MAP2K1: variants seen among roughly 807,000 people sequenced by gnomAD.
The protein encoded by MAP2K1 is mitogen-activated protein kinase kinase 1.
In MAP2K1, 16 loss-of-function variants were observed where a neutral mutation model predicts 46.3. That is an observed-to-expected ratio of 0.35 (90% CI 0.23 to 0.52). MAP2K1 has a LOEUF of 0.52. Ranked by LOEUF, MAP2K1 falls within the 20% of genes least tolerant of loss-of-function variation. MAP2K1 has a pLI of 0.94. For missense variants in MAP2K1, 263 were observed against 497.1 expected (o/e 0.53, Z 4.48); for synonymous variants, 183 against 185.6 (o/e 0.99, Z 0.11).
intron 7 of MAP2K1, 81 bp downstream of exon 7, chr15:66,485,272 C>G (rs1353618022): frequency 8.4e-6 from 11 of 1,302,078 alleles, no homozygotes; most frequent in African/African-American, 1.5e-5. Flanking sequence ...AGGGCTGATT[C>G]TCTGTACATT....
intron 1 of MAP2K1, among the ~76,000 whole-genome samples, chr15:66,431,704 T>G (rs1567007906): frequency 6.6e-6 from 1 of 152,230 alleles, no homozygotes; most frequent in Non-Finnish European, 1.5e-5. Flanking sequence ...GTTGTTTTTA[T>G]TTTTAAGTTC....
At position 66,490,520 on chromosome 15, in the gene MAP2K1, A is replaced by G; in HGVS notation, c.1087A>G (p.Arg363Gly). ...KQLMVHAFIKRSDAEEVDFAG... is the reference protein window; with the variant it reads ...KQLMVHAFIKGSDAEEVDFAG... ...CATGCAGGTTCATGCTTTTATCAAGAGATCTGATGCTGAGGAAGTGGATTT... is the reference window on the plus strand; with the variant it reads ...CATGCAGGTTCATGCTTTTATCAAGGGATCTGATGCTGAGGAAGTGGATTT... Residue 363 changes from arginine (R) to glycine (G), a missense_variant, in exon 11 of 11, where the codon AGA (arginine) becomes GGA (glycine). Arg to Gly is a moderately radical substitution (Grantham distance 125). Transcript: ENST00000307102. The G allele has an allele frequency of 6.2e-7, 1 of 1,613,702 alleles. No homozygotes were observed. The highest frequency in any genetic ancestry group is 8.5e-7 in the Non-Finnish European group (1 of 1,179,642).
At chr15:66,448,456 A>G (rs554499546) in intron 5 of MAP2K1, among the ~76,000 whole-genome samples, 1 of 152,338 alleles carries the variant, frequency 6.6e-6, no homozygotes, top group South Asian at 2.1e-4. Context: ...TGGGCTGTGT[A>G]GAAAGAGGAG....
intron 5 of MAP2K1, among the ~76,000 whole-genome samples, chr15:66,449,022 A>C (rs1299389170): frequency 7.9e-5 from 12 of 150,978 alleles, no homozygotes; most frequent in Middle Eastern, 3.4e-3. Context: ...AAAAAAAAAA[A>C]AAAAAACAAC....
intron 6 of MAP2K1, among the ~76,000 whole-genome samples, chr15:66,483,277 CA>C (rs1892956244): frequency 6.6e-6 from 1 of 152,190 alleles, no homozygotes; most frequent in Non-Finnish European, 1.5e-5. Context: ...CAACATCACT[CA>C]CCTGGCACTG....
At chr15:66,464,931 G>A (rs1286854705) in intron 5 of MAP2K1, among the ~76,000 whole-genome samples, 1 of 151,764 alleles carries the variant, frequency 6.6e-6, no homozygotes, top group Non-Finnish European at 1.5e-5. Flanking sequence ...GAATCTAACA[G>A]GTGTACTATA....
intron 1 of MAP2K1, among the ~76,000 whole-genome samples, chr15:66,396,511 A>G (rs1018521848): frequency 1.3e-5 from 2 of 148,774 alleles, no homozygotes; most frequent in Admixed American, 1.3e-4. Context: ...CTCAGGTGAT[A>G]TGCCTGCCTC....
Position 66,481,822 on chromosome 15 carries a change from C to T in MAP2K1, c.636C>T (p.Ser212=), listed in dbSNP as rs138466751. Reference sequence around the variant, plus strand: ...TCAAGCTCTGTGACTTTGGGGTCAGCGGGCAGCTCATCGACTCCATGGCCA... The same window carrying T: ...TCAAGCTCTGTGACTTTGGGGTCAGTGGGCAGCTCATCGACTCCATGGCCA... ...GEIKLCDFGV[S]GQLIDSMANS... The change falls in exon 6 of 11, where the codon AGC becomes AGT. Residue 212 remains serine, a synonymous_variant. Transcript: ENST00000307102. The T allele has an allele frequency of 1.8e-4, 294 of 1,613,784 alleles. No individual in the cohort carries two copies. Among genetic ancestry groups the T allele is most frequent in the Non-Finnish European group, 2.2e-4 (255 of 1,179,952 alleles).
chr15:66,437,748 T>A (rs1307764842), intron 3 of MAP2K1, among the ~76,000 whole-genome samples: 2 of 152,244 alleles, frequency 1.3e-5, no homozygotes, highest in Non-Finnish European at 1.5e-5. Flanking sequence ...ATTGTAATGA[T>A]CACGAAGTGC....
At chr15:66,478,506 A>ATT (rs757731747) in intron 5 of MAP2K1, among the ~76,000 whole-genome samples, 2 of 141,432 alleles carry the variant, frequency 1.4e-5, no homozygotes, top group Non-Finnish European at 3.1e-5. Flanking sequence ...ATATATATAT[A>ATT]TTTTTTTTTT....
At chr15:66,447,752 C>T (rs193080649) in intron 5 of MAP2K1, among the ~76,000 whole-genome samples, 2 of 151,464 alleles carry the variant, frequency 1.3e-5, no homozygotes, top group East Asian at 1.9e-4. Flanking sequence ...CTCAAGTTTT[C>T]AGTGTATAGT....
chr15:66,411,887 A>G (rs1297088780), intron 1 of MAP2K1, among the ~76,000 whole-genome samples: 1 of 152,210 alleles, frequency 6.6e-6, no homozygotes, highest in African/African-American at 2.4e-5. Context: ...ATACAGGACA[A>G]GAGTGTGCTT....
intron 1 of MAP2K1, among the ~76,000 whole-genome samples, chr15:66,420,651 T>C (rs1313602583): frequency 6.8e-6 from 1 of 146,416 alleles, no homozygotes; most frequent in Non-Finnish European, 1.5e-5. Flanking sequence ...TTACCTGTCC[T>C]TTCATTTTCT....
At position 66,477,770 on chromosome 15, in the gene MAP2K1, A is replaced by G. The variant is rs142484521; in HGVS notation, c.569-3985A>G. ...TGTGGCCTGGCATGGATGAGAGGCA[A>G]TGGCACTGGGTGGGAGGAGTGGAAG... On this transcript the variant is annotated intron_variant, in intron 5 of 10. Coordinates refer to ENST00000307102, the MANE Select transcript of MAP2K1 (RefSeq NM_002755.4). Among the ~76,000 whole-genome samples, 15 of 152,284 alleles carry G rather than the reference A, an allele frequency of 9.9e-5. No individual in the cohort carries two copies. In the East Asian group the frequency reaches 2.7e-3, roughly 27 times the overall value.
intron 7 of MAP2K1, among the ~76,000 whole-genome samples, chr15:66,486,415 A>T (rs1377966691): frequency 6.6e-6 from 1 of 152,114 alleles, no homozygotes; most frequent in Non-Finnish European, 1.5e-5. Flanking sequence ...GACAACCACT[A>T]ATCTACTTTC....
At chr15:66,455,154 C>T (rs928561008) in intron 5 of MAP2K1, among the ~76,000 whole-genome samples, 1 of 152,320 alleles carries the variant, frequency 6.6e-6, no homozygotes, top group South Asian at 2.1e-4. Flanking sequence ...AATCCACTCT[C>T]ACCACAGTCA....
intron 5 of MAP2K1, among the ~76,000 whole-genome samples, chr15:66,459,420 C>T (rs1048184904): frequency 6.6e-6 from 1 of 151,560 alleles, no homozygotes; most frequent in African/African-American, 2.4e-5. Context: ...AGTTCGAAAA[C>T]AGCTTGACCA....
chr15:66,446,314 C>T (rs918207614), intron 5 of MAP2K1: 3 of 152,980 alleles, frequency 2.0e-5, no homozygotes, highest in South Asian at 2.0e-4. Flanking sequence ...TGGTGAGTGC[C>T]TGTAGTCCCA....
chr15:66,444,611 C>G (rs1055552129), intron 4 of MAP2K1, 45 bp from the exon 5 acceptor site: 9 of 1,285,354 alleles, frequency 7.0e-6, no homozygotes, highest in Non-Finnish European at 1.0e-5. Flanking sequence ...GAGTATTTTT[C>G]TTATCACCAG....
Sources: allele counts gnomAD v4.1 joint callset (sites outside exome capture counted in the v4.1 genomes callset), GRCh38; gene constraint gnomAD v4.1.1; transcripts MANE v1.5; gene names NCBI Gene and HGNC (gene_info 2026-07-23, HGNC 2026-07-21).